ZC3H12B: variants seen among roughly 807,000 people sequenced by gnomAD.
ZC3H12B encodes the protein zinc finger CCCH-type containing 12B, also known as probable ribonuclease ZC3H12B.
ZC3H12B carries 7 observed loss-of-function variants against 43.9 expected under a neutral mutation model. That is an observed-to-expected ratio of 0.16 (90% CI 0.09 to 0.30). The LOEUF is 0.30. ZC3H12B is among the 10% of genes least tolerant of loss of function. ZC3H12B has a pLI of 1.00. For missense variants in ZC3H12B, 475 were observed against 670.2 expected, an observed-to-expected ratio of 0.71 and a Z score of 3.22; for synonymous variants, 222 against 241.7, an observed-to-expected ratio of 0.92 and a Z score of 0.76.
chrX:65,120,992 GA>G, the ZC3H12B span, among the ~76,000 whole-genome samples: 2 of 111,223 alleles, frequency 1.8e-5, no homozygotes, highest in African/African-American at 6.5e-5. Context: ...TCATCCCAGG[GA>G]TGAAGCCCAC....
At chrX:65,100,466 C>A in the ZC3H12B span, among the ~76,000 whole-genome samples, 1 of 104,231 alleles carries the variant, frequency 9.6e-6, no homozygotes, top group Non-Finnish European at 1.9e-5. Context: ...AGAGTCAAGA[C>A]CCATCAGTGT....
intron 3 of ZC3H12B, among the ~76,000 whole-genome samples, chrX:65,444,891 G>T (rs373627967): frequency 9.0e-6 from 1 of 111,509 alleles, no homozygotes; most frequent in Non-Finnish European, 1.9e-5. Flanking sequence ...TGTTGTTTTT[G>T]TTAGTATTTT....
the ZC3H12B span, among the ~76,000 whole-genome samples, chrX:65,246,095 A>G: frequency 9.0e-6 from 1 of 111,461 alleles, no homozygotes; most frequent in Non-Finnish European, 1.9e-5. Flanking sequence ...TGCAAAAATC[A>G]CTAGCATTCC....
chrX:65,093,018 C>T, the ZC3H12B span, among the ~76,000 whole-genome samples: 1 of 111,835 alleles, frequency 8.9e-6, no homozygotes, highest in Non-Finnish European at 1.9e-5. Flanking sequence ...CCCTTCTGCC[C>T]TGCACAGCTT....
the ZC3H12B span, among the ~76,000 whole-genome samples, chrX:65,340,712 T>C: frequency 3.6e-5 from 4 of 112,034 alleles, no homozygotes; most frequent in Non-Finnish European, 7.5e-5. Flanking sequence ...ATCCAAAGGA[T>C]AGCAACTTCA....
chrX:65,147,242 G>T, the ZC3H12B span, among the ~76,000 whole-genome samples: 1 of 111,948 alleles, frequency 8.9e-6, no homozygotes, highest in Non-Finnish European at 1.9e-5. Context: ...GAGAGATTCT[G>T]GGCAGGCTGT....
the ZC3H12B span, among the ~76,000 whole-genome samples, chrX:65,332,194 G>C: frequency 2.7e-5 from 3 of 110,280 alleles, no homozygotes; most frequent in Non-Finnish European, 5.7e-5. Flanking sequence ...AAGGGTTGTA[G>C]AGGGATGAAA....
the ZC3H12B span, among the ~76,000 whole-genome samples, chrX:65,070,060 G>A: frequency 9.3e-6 from 1 of 107,746 alleles, no homozygotes; most frequent in Non-Finnish European, 1.9e-5. Flanking sequence ...ATAGAACTCG[G>A]CTGTGAATCA....
the ZC3H12B span, among the ~76,000 whole-genome samples, chrX:65,049,661 T>A: frequency 2.7e-5 from 3 of 111,652 alleles, no homozygotes; most frequent in South Asian, 1.1e-3. Flanking sequence ...GGGAGTCCTT[T>A]GTGGATCTAT....
the ZC3H12B span, among the ~76,000 whole-genome samples, chrX:65,040,794 G>C: frequency 3.6e-5 from 4 of 111,114 alleles, no homozygotes; most frequent in Admixed American, 1.9e-4. Flanking sequence ...GTTTTGGGAG[G>C]GGGGAGTTGA....
chrX:65,436,149 G>T (rs187372380), intron 3 of ZC3H12B, among the ~76,000 whole-genome samples: 11 of 111,808 alleles, frequency 9.8e-5, no homozygotes, highest in African/African-American at 3.2e-4. Context: ...GGAAGAGAGA[G>T]TAAAGAGGGA....
chrX:65,167,054 G>T, the ZC3H12B span, among the ~76,000 whole-genome samples: 2 of 111,549 alleles, frequency 1.8e-5, no homozygotes. Context: ...TAATTAGATT[G>T]CATTTGTCAC....
intron 3 of ZC3H12B, among the ~76,000 whole-genome samples, chrX:65,475,546 GC>G (rs2067981406): frequency 9.0e-6 from 1 of 110,753 alleles, no homozygotes; most frequent in Non-Finnish European, 1.9e-5. Flanking sequence ...TCCCTTACAT[GC>G]AAAGATTCAC....
chrX:65,055,088 G>T, the ZC3H12B span, among the ~76,000 whole-genome samples: 1 of 110,919 alleles, frequency 9.0e-6, no homozygotes. Context: ...TCCTTCTCCT[G>T]CCTGATTGCG....
At chrX:65,275,662 C>T in the ZC3H12B span, among the ~76,000 whole-genome samples, 3 of 112,288 alleles carry the variant, frequency 2.7e-5, no homozygotes, top group African/African-American at 3.2e-5. Flanking sequence ...GAGTGCACTT[C>T]GCAAAACCAA....
chrX:65,105,806 G>C, the ZC3H12B span, among the ~76,000 whole-genome samples: 1 of 110,937 alleles, frequency 9.0e-6, no homozygotes, highest in Non-Finnish European at 1.9e-5. Context: ...GCATTTTATG[G>C]GAAGAAGCCA....
chrX:65,499,651 C>A (rs1450386861), intron 3 of ZC3H12B, among the ~76,000 whole-genome samples: 1 of 111,157 alleles, frequency 9.0e-6, no homozygotes, highest in Non-Finnish European at 1.9e-5. Context: ...GCCAGTACGG[C>A]TCAAACATGT....
At chrX:65,245,542 C>T in the ZC3H12B span, among the ~76,000 whole-genome samples, 1 of 112,100 alleles carries the variant, frequency 8.9e-6, no homozygotes. Flanking sequence ...TCTACATATG[C>T]AAATCAGTAA....
intron 3 of ZC3H12B, among the ~76,000 whole-genome samples, chrX:65,420,735 C>A (rs1238969728): frequency 9.0e-6 from 1 of 110,719 alleles, no homozygotes; most frequent in Admixed American, 9.6e-5. Flanking sequence ...ATTAGAAGTT[C>A]CATAAATAAA....
Sources: allele counts gnomAD v4.1 joint callset (sites outside exome capture counted in the v4.1 genomes callset), GRCh38; gene constraint gnomAD v4.1.1; transcripts MANE v1.5; gene names NCBI Gene and HGNC (gene_info 2026-07-23, HGNC 2026-07-21).